Variants in SCAMP5 observed in about 807,000 individuals in gnomAD.
SCAMP5 encodes the protein secretory carrier-associated membrane protein 5.
Under a neutral mutation model 28.3 loss-of-function variants are expected in SCAMP5, and 7 were observed. The ratio of observed to expected loss-of-function variants is 0.25; its 90% CI spans 0.14 to 0.46. The LOEUF is 0.46. Among genes scored for constraint, SCAMP5 ranks in the 20% least tolerant of loss-of-function variants. The pLI, the probability that SCAMP5 is intolerant of heterozygous loss-of-function variation, is 0.99. For synonymous variants in SCAMP5, 117 were observed against 116.4 expected, an observed-to-expected ratio of 1.00 and a Z score of -0.03; for missense variants, 192 against 312.5, an observed-to-expected ratio of 0.61 and a Z score of 2.91.
intron 1 of SCAMP5, among the ~76,000 whole-genome samples, chr15:74,999,294 A>G (rs1458833957): frequency 6.6e-6 from 1 of 152,086 alleles, no homozygotes; most frequent in African/African-American, 2.4e-5. Flanking sequence ...CATGCCCTCA[A>G]CCACTTTGCC....
intron 2 of SCAMP5, among the ~76,000 whole-genome samples, chr15:75,012,281 GA>G (rs1299317263): frequency 1.3e-5 from 2 of 152,246 alleles, no homozygotes; most frequent in African/African-American, 4.8e-5. Flanking sequence ...GAGGTCTAGA[GA>G]GGGGCGATGA....
At chr15:74,995,734 A>C (rs2065645609) in intron 1 of SCAMP5, 61 bp downstream of exon 1, 1 of 152,198 alleles carries the variant, frequency 6.6e-6, no homozygotes, top group African/African-American at 2.4e-5. Flanking sequence ...GCGGGGCGAG[A>C]GGTGTGGGGG....
At chr15:75,012,564 G>A in intron 2 of SCAMP5, 113 bp from the exon 3 acceptor site, 1 of 1,280,700 alleles carries the variant, frequency 7.8e-7, no homozygotes, top group Non-Finnish European at 1.1e-6. Context: ...GGAAAGCAGA[G>A]TGGCCGGTGG....
At chr15:74,997,013 G>A (rs1224564917) in intron 1 of SCAMP5, among the ~76,000 whole-genome samples, 2 of 152,070 alleles carry the variant, frequency 1.3e-5, no homozygotes, top group Admixed American at 6.6e-5. Flanking sequence ...TTTCCTGAGT[G>A]GCCACCTCCA....
intron 1 of SCAMP5, among the ~76,000 whole-genome samples, chr15:75,008,365 C>A (rs916946358): frequency 6.6e-6 from 1 of 151,620 alleles, no homozygotes; most frequent in East Asian, 1.9e-4. Context: ...TAAGCAAATT[C>A]ATATGTGCAT....
Position 75,016,714 on chromosome 15 carries a change from C to T in SCAMP5, c.258C>T (p.Tyr86=), listed in dbSNP as rs373424946. 61 of 1,613,772 alleles carry T rather than the reference C, an allele frequency of 3.8e-5. No homozygotes were observed. In the East Asian group the frequency reaches 4.2e-4, roughly 11 times the overall value. The part of the protein sequence containing the change: ...LWLILFTPCS[Y]VCWFRPIYKA... ...TCATCCTCTTCACACCCTGCTCCTA[C>T]GTCTGCTGGTTTCGGCCCATTTACA... The change falls in exon 4 of 7, where the codon TAC becomes TAT. Residue 86 remains tyrosine, a synonymous_variant. Coordinates refer to ENST00000425597, the MANE Select transcript of SCAMP5 (RefSeq NM_138967.4).
At chr15:75,006,103 T>C (rs1222541694) in intron 1 of SCAMP5, among the ~76,000 whole-genome samples, 1 of 149,876 alleles carries the variant, frequency 6.7e-6, no homozygotes, top group Non-Finnish European at 1.5e-5. Context: ...GTTCAAGCTA[T>C]TCTCCTGCCC....
At chr15:75,011,900 A>C (rs766084251) in intron 2 of SCAMP5, 54 bp downstream of exon 2, 8 of 1,514,798 alleles carry the variant, frequency 5.3e-6, no homozygotes, top group Admixed American at 5.1e-5. Flanking sequence ...CATAGCGTGG[A>C]TGGCCCTCTT....
rs747766077 is a variant in SCAMP5 at position 75,011,836 on chromosome 15, C to CA, written c.-3dup. The CA allele has an allele frequency of 6.2e-6, 10 of 1,612,592 alleles. No homozygotes were observed. The African/African-American group carries it at 1.2e-4, about 19-fold the overall frequency. On this transcript the variant is annotated 5_prime_UTR_variant, in exon 2 of 7. Coordinates refer to ENST00000425597, the MANE Select transcript of SCAMP5 (RefSeq NM_138967.4). ...GGCAGGCCACTGGGCCAGCTGGTAACATCATGGCAGGTAAGGAGAGGGGCA... is the reference window on the plus strand; with the variant it reads ...GGCAGGCCACTGGGCCAGCTGGTAACAATCATGGCAGGTAAGGAGAGGGGCA...
intron 1 of SCAMP5, among the ~76,000 whole-genome samples, chr15:74,997,925 G>A (rs1458321252): frequency 2.0e-5 from 3 of 152,168 alleles, no homozygotes; most frequent in East Asian, 3.8e-4. Flanking sequence ...AGAGCAGGAG[G>A]GGGAAACTTC....
At chr15:75,015,888 T>A (rs2065854871) in intron 3 of SCAMP5, among the ~76,000 whole-genome samples, 1 of 136,474 alleles carries the variant, frequency 7.3e-6, no homozygotes, top group African/African-American at 2.8e-5. Context: ...ATCGCGCCAC[T>A]GCACTCCAGC....
intron 1 of SCAMP5, among the ~76,000 whole-genome samples, chr15:75,001,869 C>CAAAAAAAAAAAAA (rs769760180): frequency 2.5e-5 from 1 of 40,452 alleles, no homozygotes; most frequent in African/African-American, 1.0e-4. Flanking sequence ...GACTCGGTCT[C>CAAAAAAAAAAAAA]AAAAAAAAAA....
At chr15:75,006,507 G>T (rs2065760956) in intron 1 of SCAMP5, among the ~76,000 whole-genome samples, 1 of 151,858 alleles carries the variant, frequency 6.6e-6, no homozygotes. Flanking sequence ...ACAACAATTG[G>T]CCGGGCACTG....
At position 75,018,906 on chromosome 15, in the gene SCAMP5, G is replaced by A. The variant is rs1243569334; in HGVS notation, c.631G>A (p.Ala211Thr). ...GGCAGCCCAGAACGCAGCCATGGGG[G>A]CAGCCCAGGGTGCCATGAATCAGCC... ...QQAAQNAAMG[A>T]AQGAMNQPQT... Residue 211 changes from alanine to threonine, a missense_variant, in exon 7 of 7, where the codon GCA (alanine) becomes ACA (threonine). By Grantham distance (58) the Ala-to-Thr change is moderately conservative. Coordinates refer to ENST00000425597, the MANE Select transcript of SCAMP5 (RefSeq NM_138967.4). The surrounding 1 kb of genome is among the most constrained non-coding windows in gnomAD (Gnocchi z 5.6). 1 of 1,582,608 alleles carries A rather than the reference G, an allele frequency of 6.3e-7. No homozygotes were observed. Among genetic ancestry groups the A allele is most frequent in the Non-Finnish European group, 8.5e-7 (1 of 1,171,390 alleles).
At chr15:74,997,862 T>C (rs1166649496) in intron 1 of SCAMP5, among the ~76,000 whole-genome samples, 16 of 152,198 alleles carry the variant, frequency 1.1e-4, no homozygotes, top group Admixed American at 9.2e-4. Flanking sequence ...TTCATAGTTC[T>C]GGGATTTCAG....
intron 1 of SCAMP5, among the ~76,000 whole-genome samples, chr15:75,006,849 A>G (rs2065765541): frequency 6.6e-6 from 1 of 151,766 alleles, no homozygotes; most frequent in Non-Finnish European, 1.5e-5. Context: ...GGCTGAAGCA[A>G]AAGAATCACT....
At chr15:75,009,441 T>TTGTGTGTGTGTGTG (rs3057655) in intron 1 of SCAMP5, among the ~76,000 whole-genome samples, 5 of 136,146 alleles carry the variant, frequency 3.7e-5, no homozygotes, top group Admixed American at 1.5e-4. Context: ...TGCTAGAAGT[T>TTGTGTGTGTGTGTG]TGTGTGTGTG....
intron 1 of SCAMP5, among the ~76,000 whole-genome samples, chr15:74,998,933 G>A (rs757790855): frequency 6.6e-5 from 10 of 152,166 alleles, no homozygotes; most frequent in South Asian, 2.1e-4. Context: ...GCTGGAGCCC[G>A]GTTAGGGAGA....
chr15:74,998,316 CTTTGG>C (rs1428891100), intron 1 of SCAMP5, among the ~76,000 whole-genome samples: 1 of 152,102 alleles, frequency 6.6e-6, no homozygotes. Context: ...AGTCTAAGAA[CTTTGG>C]TTTGGCCGGC....
Sources: gnomAD v4.1 joint callset for allele counts (sites outside exome capture counted in the v4.1 genomes callset) on GRCh38, gnomAD v4.1.1 for gene constraint, Gnocchi (gnomAD v3.1) non-coding constraint, MANE v1.5 for transcripts, NCBI Gene and HGNC (gene_info 2026-07-23, HGNC 2026-07-21) for gene names.